VWA2: variants seen among roughly 807,000 people sequenced by gnomAD.
The protein encoded by VWA2 is von Willebrand factor A domain-containing protein 2.
VWA2 carries 73 observed loss-of-function variants against 70.4 expected under a neutral mutation model. The observed-to-expected ratio is 1.04, with a 90% confidence interval of 0.86 to 1.26. The LOEUF (loss-of-function observed/expected upper bound fraction) is 1.26, where lower values mean the gene tolerates loss of function less well. Among genes scored for constraint, VWA2 ranks in the 50% most tolerant of loss-of-function variants. The probability of loss-of-function intolerance (pLI) is 0.00; values close to 1 mark genes in which losing one functional copy is unlikely to be tolerated. For missense variants in VWA2, 1,011 were observed against 998.5 expected, an observed-to-expected ratio of 1.01 and a Z score of -0.17; for synonymous variants, 407 against 423.3, an observed-to-expected ratio of 0.96 and a Z score of 0.47.
Position 114,291,312 on chromosome 10 carries a change from A to G in VWA2, c.*75A>G, listed in dbSNP as rs899417113. Reference sequence around the variant, plus strand: ...CTACAGAGAAGGCCTGGGCACTGAAATGGTGCCTACCTTCTGGAATGTCTG... The same window carrying G: ...CTACAGAGAAGGCCTGGGCACTGAAGTGGTGCCTACCTTCTGGAATGTCTG... On this transcript the variant is annotated 3_prime_UTR_variant, in exon 14 of 14. Coordinates refer to ENST00000392982, the MANE Select transcript of VWA2 (RefSeq NM_001272046.2). 9 of 1,473,730 alleles carry G rather than the reference A, an allele frequency of 6.1e-6. No homozygotes were observed. The South Asian group carries it at 9.3e-5, about 15-fold the overall frequency. The allele number at this position is 1,473,730 out of a possible 1,614,324, so 91.3% of individuals were successfully genotyped here.
At chr10:114,285,887 C>A in intron 10 of VWA2, 52 bp from the exon 11 acceptor site, 1 of 1,508,230 alleles carries the variant, frequency 6.6e-7, no homozygotes, top group Non-Finnish European at 8.9e-7. Context: ...TGGGACAGCT[C>A]GCATGCCGCA....
chr10:114,291,030 G>A (rs888818261), intron 13 of VWA2, among the ~76,000 whole-genome samples, 188 bp from the exon 14 acceptor site: 1 of 152,106 alleles, frequency 6.6e-6, no homozygotes, highest in Non-Finnish European at 1.5e-5. Context: ...ACGGGCAGAG[G>A]TTGGCTTCCT....
chr10:114,269,488 G>A (rs2037658685), intron 5 of VWA2, among the ~76,000 whole-genome samples: 1 of 152,194 alleles, frequency 6.6e-6, no homozygotes, highest in Non-Finnish European at 1.5e-5. Flanking sequence ...GGCTGAGGCA[G>A]GAGAATCGCT....
chr10:114,246,567 A>G, intron 1 of VWA2: 2 of 1,155,624 alleles, frequency 1.7e-6, no homozygotes, highest in Non-Finnish European at 2.6e-6. Flanking sequence ...ACTGTAACAG[A>G]GGGACCCAGG....
intron 1 of VWA2, chr10:114,246,321 T>C (rs1393980004): frequency 1.6e-5 from 9 of 576,520 alleles, no homozygotes; most frequent in Non-Finnish European, 2.5e-5. Flanking sequence ...ATCAACATGG[T>C]GAAACCCCGT....
chr10:114,274,918 C>G (rs976788957), intron 6 of VWA2, among the ~76,000 whole-genome samples: 7 of 152,036 alleles, frequency 4.6e-5, no homozygotes, highest in African/African-American at 1.2e-4. Context: ...TGCCATCTCC[C>G]GACATGGGAA....
chr10:114,263,629 GC>G (rs2037495623), intron 5 of VWA2, among the ~76,000 whole-genome samples: 1 of 152,070 alleles, frequency 6.6e-6, no homozygotes. Context: ...GAGCCACCGT[GC>G]CTGGCCGAAT....
At chr10:114,245,113 G>A (rs1008031862) in intron 1 of VWA2, among the ~76,000 whole-genome samples, 5 of 152,218 alleles carry the variant, frequency 3.3e-5, no homozygotes, top group Admixed American at 6.5e-5. Context: ...AGCCAACACC[G>A]TCTGATTGAT....
intron 10 of VWA2, 91 bp from the exon 11 acceptor site, chr10:114,285,848 C>T: frequency 7.5e-7 from 1 of 1,341,280 alleles, no homozygotes; most frequent in South Asian, 1.5e-5. Flanking sequence ...TGCACCATCT[C>T]CCTCCTGGGA....
At chr10:114,274,148 G>C (rs913137640) in intron 6 of VWA2, among the ~76,000 whole-genome samples, 1 of 152,206 alleles carries the variant, frequency 6.6e-6, no homozygotes, top group Non-Finnish European at 1.5e-5. Context: ...AGGGAGGGGC[G>C]GAAGCCCAGC....
At chr10:114,272,715 C>A (rs1427133017) in intron 5 of VWA2, 25 bp from the exon 6 acceptor site, 4 of 1,538,788 alleles carry the variant, frequency 2.6e-6, no homozygotes. Context: ...ACTTTTCTTT[C>A]TTTTTTCCTT....
chr10:114,289,665 C>A, intron 12 of VWA2, 176 bp downstream of exon 12: 1 of 672,794 alleles, frequency 1.5e-6, no homozygotes. Context: ...TAGGCATAAC[C>A]ATCCTATTTG....
At chr10:114,285,075 T>C in intron 10 of VWA2, 105 bp downstream of exon 10, 1 of 867,796 alleles carries the variant, frequency 1.2e-6, no homozygotes, top group South Asian at 2.0e-5. Flanking sequence ...AAACTGGCCC[T>C]TGAACCATCT....
At chr10:114,289,766 GA>G (rs2039370029) in intron 12 of VWA2, 1 of 496,788 alleles carries the variant, frequency 2.0e-6, no homozygotes. Context: ...CACACTTTTA[GA>G]ATATCCACAA....
At chr10:114,273,027 C>A in intron 6 of VWA2, 93 bp downstream of exon 6, 1 of 1,076,834 alleles carries the variant, frequency 9.3e-7, no homozygotes, top group Non-Finnish European at 1.3e-6. Context: ...ACTGGAAGAG[C>A]CGTCCAGGTC....
Position 114,294,220 on chromosome 10 carries a change from A to G in VWA2, c.*2983A>G, listed in dbSNP as rs927946866. On this transcript the variant is annotated 3_prime_UTR_variant, in exon 14 of 14. Transcript: ENST00000392982. ...TTTCAGATTCTTTTAATCTGTGTCC[A>G]ACAATGAGATTTGTTTTCTTTTGCA... 2.0e-5 allele frequency among the ~76,000 whole-genome samples: 3 copies of G among 152,204 alleles called. No individual in the cohort carries two copies. Among genetic ancestry groups the G allele is most frequent in the Admixed American group, 6.5e-5 (1 of 15,282 alleles).
chr10:114,282,468 C>T, intron 8 of VWA2, 48 bp from the exon 9 acceptor site: 2 of 1,476,624 alleles, frequency 1.4e-6, no homozygotes, highest in Non-Finnish European at 9.5e-7. Flanking sequence ...TTTCTGCCCT[C>T]CCCTTACACC....
intron 2 of VWA2, 71 bp downstream of exon 2, chr10:114,248,836 G>C: frequency 7.0e-7 from 1 of 1,419,612 alleles, no homozygotes; most frequent in Non-Finnish European, 1.0e-6. Flanking sequence ...TTCAAATCCT[G>C]TTGATTTTCA....
intron 11 of VWA2, among the ~76,000 whole-genome samples, chr10:114,287,146 G>T (rs2039000450): frequency 6.6e-6 from 1 of 152,216 alleles, no homozygotes; most frequent in Non-Finnish European, 1.5e-5. Flanking sequence ...CCACGCAGAG[G>T]CCTGGCCCAT....
Sources: gnomAD v4.1 joint callset for allele counts (sites outside exome capture counted in the v4.1 genomes callset) on GRCh38, gnomAD v4.1.1 for gene constraint, MANE v1.5 for transcripts, NCBI Gene and HGNC (gene_info 2026-07-23, HGNC 2026-07-21) for gene names.